The following DGKH variants were observed in gnomAD, a reference collection of about 807,000 sequenced individuals.
DGKH encodes the protein diacylglycerol kinase eta, also known as DAG kinase eta.
Under a neutral mutation model 159.3 loss-of-function variants are expected in DGKH, and 90 were observed. The observed-to-expected ratio is 0.57, with a 90% confidence interval of 0.48 to 0.67. The LOEUF (loss-of-function observed/expected upper bound fraction) is 0.67. Ranked by LOEUF, DGKH falls within the 30% of genes least tolerant of loss-of-function variation. The probability of loss-of-function intolerance (pLI) is 0.00; values close to 1 mark genes in which losing one functional copy is unlikely to be tolerated. For synonymous variants in DGKH, 536 were observed against 553.8 expected (o/e 0.97, Z 0.45); for missense variants, 1,181 against 1,506.1 (o/e 0.78, Z 3.57).
chr13:42,198,647 T>G, intron 18 of DGKH, 52 bp downstream of exon 18: 1 of 1,457,968 alleles, frequency 6.9e-7, no homozygotes, highest in Non-Finnish European at 9.5e-7. Flanking sequence ...TGTTTTTTTT[T>G]TTTTTCAACA....
chr13:42,109,569 A>T (rs1954820514), intron 1 of DGKH, among the ~76,000 whole-genome samples: 1 of 152,212 alleles, frequency 6.6e-6, no homozygotes, highest in Non-Finnish European at 1.5e-5. Flanking sequence ...TAAATGGAAG[A>T]CAGGATGGAT....
intron 21 of DGKH, among the ~76,000 whole-genome samples, chr13:42,207,138 C>T (rs58167675): frequency 0.14 from 4,046 of 28,604 alleles, 639 homozygotes; most frequent in South Asian, 0.22. Context: ...TCCTTCCTTC[C>T]TTCCTTCCTT....
At chr13:42,070,078 G>C in intron 1 of DGKH, 1 of 964,638 alleles carries the variant, frequency 1.0e-6, no homozygotes, top group Non-Finnish European at 1.7e-6. Flanking sequence ...AATATTATGA[G>C]CTTCATCTTC....
chr13:42,219,387 C>A, intron 27 of DGKH, 38 bp downstream of exon 27: 1 of 1,600,994 alleles, frequency 6.2e-7, no homozygotes, highest in South Asian at 1.1e-5. Context: ...GAAATGTAGA[C>A]CATATTGCTA....
At chr13:42,223,059 A>G (rs1392345243) in intron 29 of DGKH, among the ~76,000 whole-genome samples, 1 of 152,156 alleles carries the variant, frequency 6.6e-6, no homozygotes, top group African/African-American at 2.4e-5. Context: ...ACTTTTAGAC[A>G]TTTGTATTGA....
chr13:42,202,727 G>A (rs1957376569), intron 20 of DGKH, among the ~76,000 whole-genome samples: 1 of 152,082 alleles, frequency 6.6e-6, no homozygotes, highest in Non-Finnish European at 1.5e-5. Flanking sequence ...TTACAATGAT[G>A]GGAATTCCAG....
At chr13:42,142,032 T>A (rs552531901) in intron 3 of DGKH, among the ~76,000 whole-genome samples, 1 of 151,778 alleles carries the variant, frequency 6.6e-6, no homozygotes, top group African/African-American at 2.4e-5. Flanking sequence ...GTTTTAGGTC[T>A]AACATTTAAG....
At chr13:42,145,685 CA>C (rs1222218335) in intron 3 of DGKH, among the ~76,000 whole-genome samples, 4 of 152,194 alleles carry the variant, frequency 2.6e-5, no homozygotes, top group Non-Finnish European at 4.4e-5. Context: ...AAACACCAGG[CA>C]ATGCCTAGTG....
At chr13:42,053,513 CATAACTATAT>C (rs1566076644) in intron 1 of DGKH, among the ~76,000 whole-genome samples, 1 of 137,624 alleles carries the variant, frequency 7.3e-6, no homozygotes, top group Non-Finnish European at 1.6e-5. Context: ...TGTAACTATA[CATAACTATAT>C]ATAACTATAT....
intron 11 of DGKH, 119 bp from the exon 12 acceptor site, chr13:42,173,941 A>ATGTGTGTGTGTGTGTGTGCGTGCGTGTG (rs1269884374): frequency 2.4e-6 from 1 of 420,884 alleles, no homozygotes; most frequent in Non-Finnish European, 4.2e-6. Flanking sequence ...TAGTTCATGA[A>ATGTGTGTGTGTGTGTGTGCGTGCGTGTG]TGTGTGTGTG....
At chr13:42,191,330 A>G (rs1157621649) in intron 16 of DGKH, among the ~76,000 whole-genome samples, 4 of 152,194 alleles carry the variant, frequency 2.6e-5, no homozygotes, top group Non-Finnish European at 5.9e-5. Flanking sequence ...GCAATAGACA[A>G]TAGACATTGG....
rs114875292 is a variant in DGKH at position 42,192,892 on chromosome 13, G to A, written c.2036-1993G>A. ...ACAAAATTCTTCAGATATTTTCTGTGGTGTATTAGCACATTGGTACCCATA... is the reference window on the plus strand; with the variant it reads ...ACAAAATTCTTCAGATATTTTCTGTAGTGTATTAGCACATTGGTACCCATA... On this transcript the variant is annotated intron_variant, in intron 16 of 29. Transcript: ENST00000337343. 9.0e-3 allele frequency among the ~76,000 whole-genome samples: 1,371 copies of A among 152,142 alleles called. 21 individuals carry two copies. The highest frequency in any genetic ancestry group is 0.03 in the African/African-American group (1,229 of 41,504).
intron 26 of DGKH, among the ~76,000 whole-genome samples, chr13:42,216,893 T>G (rs963144852): frequency 2.0e-5 from 3 of 152,220 alleles, no homozygotes; most frequent in African/African-American, 7.2e-5. Context: ...CGATCATTTC[T>G]TACAACTAAA....
intron 1 of DGKH, among the ~76,000 whole-genome samples, chr13:42,061,888 C>T (rs962762322): frequency 6.6e-6 from 1 of 151,946 alleles, no homozygotes; most frequent in South Asian, 2.1e-4. Flanking sequence ...AGTTAATTAA[C>T]GTATACACAG....
At chr13:42,104,780 T>C (rs1043647140) in intron 1 of DGKH, among the ~76,000 whole-genome samples, 1 of 152,198 alleles carries the variant, frequency 6.6e-6, no homozygotes, top group Non-Finnish European at 1.5e-5. Context: ...ACCTGACTTA[T>C]TAAATGTTAA....
chr13:42,215,417 C>T lies in DGKH; in HGVS notation c.3121-158C>T, dbSNP rs530244194. Among the ~76,000 whole-genome samples, 39 of 152,042 alleles carry T rather than the reference C, an allele frequency of 2.6e-4. 1 individual carries two copies. The South Asian group carries it at 8.1e-3, about 32-fold the overall frequency. The stretch of plus-strand genomic sequence containing the variant: ...TGTAATATAATAATAATGAGATAGT[C>T]ATACAAACAAATGTATGAAACTTTG... On this transcript the variant is annotated intron_variant, in intron 25 of 29. Transcript: ENST00000337343.
intron 9 of DGKH, 146 bp from the exon 10 acceptor site, chr13:42,168,294 C>A: frequency 1.6e-6 from 1 of 618,994 alleles, no homozygotes; most frequent in Non-Finnish European, 2.6e-6. Flanking sequence ...TAAAATTACA[C>A]TTCAGTGAAT....
At position 42,191,636 on chromosome 13, in the gene DGKH, C is replaced by T. The variant is rs1235208717; in HGVS notation, c.2035+1111C>T. ...ACCTTTCATTCCCCATGTTTATGGC[C>T]GATTTTTCCACAGGACTAGTAGTAG... On this transcript the variant is annotated intron_variant, in intron 16 of 29. Coordinates refer to ENST00000337343, the MANE Select transcript of DGKH (RefSeq NM_178009.5). Among the ~76,000 whole-genome samples the T allele has an allele frequency of 4.0e-5, 6 of 151,878 alleles. No individual in the cohort carries two copies. In the East Asian group the frequency reaches 9.6e-4, roughly 24 times the overall value.
chr13:42,084,830 A>G (rs1200790279), intron 1 of DGKH, among the ~76,000 whole-genome samples: 1 of 152,024 alleles, frequency 6.6e-6, no homozygotes, highest in Non-Finnish European at 1.5e-5. Context: ...AACCATAACT[A>G]AGATGTATAG....
Sources: allele counts gnomAD v4.1 joint callset (sites outside exome capture counted in the v4.1 genomes callset), GRCh38; gene constraint gnomAD v4.1.1; transcripts MANE v1.5; gene names NCBI Gene and HGNC (gene_info 2026-07-23, HGNC 2026-07-21).